IRF8: variants seen among roughly 807,000 people sequenced by gnomAD.
IRF8 encodes the protein interferon regulatory factor 8.
Under a neutral mutation model 48.7 loss-of-function variants are expected in IRF8, and 14 were observed. That is an observed-to-expected ratio of 0.29 (90% CI 0.19 to 0.45). IRF8 has a LOEUF of 0.45. Among genes scored for constraint, IRF8 ranks in the 20% least tolerant of loss-of-function variants. The pLI, the probability that IRF8 is intolerant of heterozygous loss-of-function variation, is 1.00. For missense variants in IRF8, 493 were observed against 580.7 expected (o/e 0.85, Z 1.55); for synonymous variants, 278 against 227.3 (o/e 1.22, Z -2.01).
At chr16:85,916,289 C>A (rs1282495590) in intron 6 of IRF8, among the ~76,000 whole-genome samples, 1 of 152,326 alleles carries the variant, frequency 6.6e-6, no homozygotes, top group East Asian at 1.9e-4. Context: ...AGCTGGGCAG[C>A]AGCTGGGCTG....
rs755555074 is a variant in IRF8, at chr16:85,914,479, C to A, written c.560C>A (p.Pro187Gln). 8 of 1,613,986 alleles carry A rather than the reference C, an allele frequency of 5.0e-6. No individual in the cohort carries two copies. In the African/African-American group the frequency reaches 9.3e-5, roughly 19 times the overall value. ...WWAQQPSTGVPLVTGYTTYDA... is the reference protein window; with the variant it reads ...WWAQQPSTGVQLVTGYTTYDA... ...TTTTCTGTTTCTCCTGCAGGCGTGC[C>A]GCTGGTGACGGGGTACACCACCTAC... The change falls in exon 6 of 9, where the codon CCG becomes CAG. Residue 187 changes from proline (P) to glutamine (Q), a missense_variant. Around this residue, in one of 3 missense-constraint regions of IRF8, gnomAD observed 408 missense variants for 449.6 expected, o/e 0.91. Transcript: ENST00000268638.
chr16:85,906,878 C>A (rs928504011), intron 2 of IRF8, among the ~76,000 whole-genome samples: 4 of 152,024 alleles, frequency 2.6e-5, no homozygotes, highest in African/African-American at 9.7e-5. Context: ...CTACAATCCA[C>A]AGGACCACCC....
intron 2 of IRF8, among the ~76,000 whole-genome samples, chr16:85,904,933 C>T (rs1394153318): frequency 1.3e-5 from 2 of 150,676 alleles, no homozygotes; most frequent in Non-Finnish European, 2.9e-5. Context: ...ATAGATAACC[C>T]CAAAAGCCGG....
At chr16:85,915,145 C>T (rs1315399676) in intron 6 of IRF8, among the ~76,000 whole-genome samples, 1 of 152,236 alleles carries the variant, frequency 6.6e-6, no homozygotes, top group Admixed American at 6.5e-5. Flanking sequence ...GACTGGGGGC[C>T]TCCCCGCGGT....
Position 85,921,028 on chromosome 16 carries a change from C to G in IRF8, c.1105-78C>G, listed in dbSNP as rs16940010. On this transcript the variant is annotated intron_variant, in intron 8 of 8. Transcript: ENST00000268638. Reference sequence around the variant, plus strand: ...CGTGGCACTGGGGTCATCAGAGGACCTGGCTAGGGTCAAAGACAGTGCCCA... The same window carrying G: ...CGTGGCACTGGGGTCATCAGAGGACGTGGCTAGGGTCAAAGACAGTGCCCA... 4.0e-3 allele frequency: 5,853 copies of G among 1,453,854 alleles called. 203 individuals are homozygous for G. The African/African-American group carries it at 0.071, about 18-fold the overall frequency. The allele number at this position is 1,453,854 out of a possible 1,614,324, so 90.1% of individuals were successfully genotyped here.
intron 6 of IRF8, 62 bp from the exon 7 acceptor site, chr16:85,918,355 T>G (rs546899655): frequency 6.4e-7 from 1 of 1,552,730 alleles, no homozygotes; most frequent in South Asian, 1.2e-5. Flanking sequence ...ACTGTGCACT[T>G]GGGCAGGAGG....
intron 3 of IRF8, 78 bp from the exon 4 acceptor site, chr16:85,911,492 A>G: frequency 3.4e-6 from 4 of 1,189,194 alleles, no homozygotes; most frequent in Non-Finnish European, 3.8e-6. Context: ...CTCAGCATTT[A>G]CAGAGTAGAT....
At chr16:85,917,036 G>A (rs1047950264) in intron 6 of IRF8, among the ~76,000 whole-genome samples, 7 of 152,196 alleles carry the variant, frequency 4.6e-5, no homozygotes, top group South Asian at 2.1e-4. Flanking sequence ...AATGGAGCCC[G>A]TGAATGGTGG....
In IRF8 at chr16:85,917,903, T is replaced by C. The variant is rs184435182; in HGVS notation, c.602-514T>C. On this transcript the variant is annotated intron_variant, in intron 6 of 8. Transcript: ENST00000268638. ...TGGATGAAGGGTTTTGCAGAGATTC[T>C]TAATCTGAAATCCAGGAAATACCAA... 4.6e-5 allele frequency among the ~76,000 whole-genome samples: 7 copies of C among 152,368 alleles called. No individual in the cohort carries two copies. In the East Asian group the frequency reaches 1.2e-3, roughly 25 times the overall value.
At chr16:85,909,429 GA>G in intron 3 of IRF8, 2 of 512,650 alleles carry the variant, frequency 3.9e-6, no homozygotes, top group South Asian at 4.1e-5. Flanking sequence ...GGCCTCCCTG[GA>G]CAGGAACAAG....
chr16:85,907,259 G>GT lies in IRF8; in HGVS notation c.175-1730dup, dbSNP rs1191801875. ...TTGGCCTTGAACAGTAAGCATTCTTGTCTTTTTTGAGAGGAAAAACAGTCT... is the reference window on the plus strand; with the variant it reads ...TTGGCCTTGAACAGTAAGCATTCTTGTTCTTTTTTGAGAGGAAAAACAGTCT... On this transcript the variant is annotated intron_variant, in intron 2 of 8. Transcript: ENST00000268638. Among the ~76,000 whole-genome samples, 4 of 152,318 alleles carry GT rather than the reference G, an allele frequency of 2.6e-5. No homozygotes were observed. The East Asian group carries it at 7.7e-4, about 29-fold the overall frequency.
chr16:85,906,044 T>A (rs3794662), intron 2 of IRF8, among the ~76,000 whole-genome samples: 5,131 of 152,292 alleles, frequency 0.034, 113 homozygotes, highest in East Asian at 0.075. Flanking sequence ...TTTACCTTCT[T>A]GACATGACGA....
At chr16:85,899,377 A>C (rs1567873833) in intron 1 of IRF8, among the ~76,000 whole-genome samples, 154 bp downstream of exon 1, 2 of 152,146 alleles carry the variant, frequency 1.3e-5, no homozygotes, top group South Asian at 2.1e-4. Context: ...CTTTTTGCCT[A>C]TTTTCCAGCC....
At chr16:85,899,649 G>C (rs1904763147) in intron 1 of IRF8, among the ~76,000 whole-genome samples, 1 of 152,134 alleles carries the variant, frequency 6.6e-6, no homozygotes, top group Admixed American at 6.5e-5. Flanking sequence ...CGTTACTGAG[G>C]GTTAGTTTGT....
chr16:85,904,676 C>T (rs761706121), intron 2 of IRF8, among the ~76,000 whole-genome samples: 4 of 152,092 alleles, frequency 2.6e-5, no homozygotes, highest in Admixed American at 6.5e-5. Flanking sequence ...TCCCTTGGTG[C>T]CCCCACACGT....
intron 5 of IRF8, 78 bp from the exon 6 acceptor site, chr16:85,914,395 G>A (rs1567474885): frequency 1.3e-6 from 2 of 1,566,128 alleles, no homozygotes; most frequent in South Asian, 2.2e-5. Flanking sequence ...AGGGACTTTT[G>A]GAGAAGGAGC....
Position 85,918,601 on chromosome 16 carries a change from A to C in IRF8, c.786A>C (p.Arg262=). Residue 262 remains arginine, a synonymous_variant, in exon 7 of 9, where the codon CGA becomes CGC. Coordinates refer to ENST00000268638, the MANE Select transcript of IRF8 (RefSeq NM_002163.4). The part of the protein sequence containing the change: ...FPPADAIPSE[R]QRQVTRKLFG... ...CGGCCGACGCCATCCCCAGCGAGCG[A>C]CAGAGGCAGGTGACGCGGAAGCTGT... 1 of 1,607,570 alleles carries C rather than the reference A, an allele frequency of 6.2e-7. No homozygotes were observed. Among genetic ancestry groups the C allele is most frequent in the East Asian group, 2.2e-5 (1 of 44,866 alleles).
At position 85,921,931 on chromosome 16, in the gene IRF8, C is replaced by G. The variant is rs1905587673; in HGVS notation, c.*649C>G. 1 of 152,658 alleles carries G rather than the reference C, an allele frequency of 6.6e-6. No individual in the cohort carries two copies. 9.5% of individuals were successfully genotyped at this position (152,658 alleles called of 1,614,324 possible). A position where few individuals can be genotyped will look rare whatever the true frequency, so the allele number is the denominator to read the frequency against. On this transcript the variant is annotated 3_prime_UTR_variant, in exon 9 of 9. Transcript: ENST00000268638. ...TGTTTTTATCTTCAGACAATGAAAC[C>G]TTCTCCTCTGGGGCTTTGTTGCCAG... is the stretch of plus-strand genomic sequence containing the variant.
At chr16:85,918,916 G>T in intron 7 of IRF8, 113 bp downstream of exon 7, 1 of 1,359,256 alleles carries the variant, frequency 7.4e-7, no homozygotes, top group Non-Finnish European at 1.0e-6. Flanking sequence ...TGTGGAGGAG[G>T]AGTGAGGGGC....
Sources: allele counts gnomAD v4.1 joint callset (sites outside exome capture counted in the v4.1 genomes callset), GRCh38; gene constraint gnomAD v4.1.1; regional missense constraint gnomAD v4.1.1; transcripts MANE v1.5; gene names NCBI Gene and HGNC (gene_info 2026-07-23, HGNC 2026-07-21).